ZNF737: variants seen among roughly 807,000 people sequenced by gnomAD.
ZNF737 encodes the protein zinc finger protein 102 (Y3).
Under a neutral mutation model 11.7 loss-of-function variants are expected in ZNF737, and 13 were observed. That is an observed-to-expected ratio of 1.11 (90% CI 0.73 to 1.77). The LOEUF is 1.77. Ranked by LOEUF, ZNF737 falls within the 40% of genes most tolerant of loss-of-function variation. The probability of loss-of-function intolerance (pLI) is 0.00; values close to 1 mark genes in which losing one functional copy is unlikely to be tolerated. For missense variants in ZNF737, 636 were observed against 638.0 expected, an observed-to-expected ratio of 1.00 and a Z score of 0.03; for synonymous variants, 217 against 216.2, an observed-to-expected ratio of 1.00 and a Z score of -0.03.
In ZNF737 at chr19:20,542,798, ATC is replaced by A; in HGVS notation, c.*1792_*1793del. Reference sequence around the variant, plus strand: ...TCCAAATAATGTAAAAAAATCGAATATCTCTGATGCAGAAGCCACTGATCACA... The same window carrying A: ...TCCAAATAATGTAAAAAAATCGAATATCTGATGCAGAAGCCACTGATCACA... On this transcript the variant is annotated 3_prime_UTR_variant, in exon 4 of 4. Transcript: ENST00000427401. The A allele has an allele frequency of 5.1e-6, 5 of 985,358 alleles. No homozygotes were observed. The highest frequency in any genetic ancestry group is 6.0e-6 in the Non-Finnish European group (5 of 829,874). 61.0% of individuals were successfully genotyped at this position (985,358 alleles called of 1,614,324 possible).
At chr19:20,546,959 A>G (rs1555757186) in intron 3 of ZNF737, among the ~76,000 whole-genome samples, 2 of 152,232 alleles carry the variant, frequency 1.3e-5, no homozygotes, top group East Asian at 3.8e-4. Context: ...GAAACTAGGA[A>G]TTAAAAGCAA....
At position 20,557,794 on chromosome 19, in the gene ZNF737, A is replaced by G. The variant is rs565752513; in HGVS notation, c.4-3959T>C. ...ACCACGCCCAGCTAATTTTTGTATT[A>G]TTAGTAGAGACAGCATTTCACCATA... On this transcript the variant is annotated intron_variant, in intron 1 of 3. Coordinates refer to ENST00000427401, the MANE Select transcript of ZNF737 (RefSeq NM_001159293.2). 2.6e-5 allele frequency among the ~76,000 whole-genome samples: 4 copies of G among 151,786 alleles called. No individual in the cohort carries two copies. The South Asian group carries it at 6.3e-4, about 24-fold the overall frequency.
intron 3 of ZNF737, among the ~76,000 whole-genome samples, chr19:20,548,482 G>T (rs1351644056): frequency 6.6e-6 from 1 of 152,154 alleles, no homozygotes; most frequent in Non-Finnish European, 1.5e-5. Flanking sequence ...TGGAAGGTTT[G>T]TCTGTCAAAG....
chr19:20,531,234 G>A (rs782786304), downstream of ZNF737, among the ~76,000 whole-genome samples: 88 of 132,078 alleles, frequency 6.7e-4, 4 homozygotes, highest in Middle Eastern at 4.1e-3. Context: ...GGAGGAGAGA[G>A]GGGAGAGGGG....
the ZNF737 span, among the ~76,000 whole-genome samples, chr19:20,530,567 A>G: frequency 6.8e-6 from 1 of 146,964 alleles, no homozygotes; most frequent in East Asian, 2.1e-4. Flanking sequence ...GGCCGGGCAG[A>G]GACGCTCCTC....
chr19:20,560,443 C>T (rs1368460596), intron 1 of ZNF737, among the ~76,000 whole-genome samples: 5 of 151,662 alleles, frequency 3.3e-5, no homozygotes, highest in African/African-American at 4.8e-5. Context: ...AAATCATGTC[C>T]TTTGCAATAA....
intron 1 of ZNF737, among the ~76,000 whole-genome samples, chr19:20,555,069 G>A (rs1194431141): frequency 6.6e-6 from 1 of 151,950 alleles, no homozygotes; most frequent in Non-Finnish European, 1.5e-5. Flanking sequence ...CACCACGTTG[G>A]CCAGGCTGGT....
At chr19:20,534,039 G>A (rs1478424757), downstream of ZNF737, among the ~76,000 whole-genome samples, 1 of 150,178 alleles carries the variant, frequency 6.7e-6, no homozygotes, top group South Asian at 2.2e-4. Flanking sequence ...CTAATCAGCC[G>A]GGCTGAGCTA....
Position 20,544,657 on chromosome 19 carries a change from T to C in ZNF737, c.1546A>G (p.Lys516Glu), listed in dbSNP as rs10411329. ...EKPYKCEECG[K>E]GFKCPSTLTT... The stretch of plus-strand genomic sequence containing the variant: ...AGGGTAGAGGGGCACTTAAAGCCTT[T>C]GCCACATTCTTCACATTTGTAGGGT... Residue 516 changes from lysine (K) to glutamate (E), a missense_variant, in exon 4 of 4, where the codon AAA becomes GAA. Lys to Glu is a moderately conservative substitution (Grantham distance 56). Coordinates refer to ENST00000427401, the MANE Select transcript of ZNF737 (RefSeq NM_001159293.2). 0.41 allele frequency: 655,025 copies of C among 1,608,672 alleles called. 134,303 individuals are homozygous for C. Among genetic ancestry groups the C allele is most frequent in the Admixed American group, 0.53 (31,343 of 58,982 alleles).
At chr19:20,536,425 C>T (rs1967968350), downstream of ZNF737, among the ~76,000 whole-genome samples, 1 of 152,132 alleles carries the variant, frequency 6.6e-6, no homozygotes, top group African/African-American at 2.4e-5. Context: ...ATTTATATCA[C>T]CTGCCTCTGC....
rs1555755780 is a variant in ZNF737, at chr19:20,544,186, G to A, written c.*406C>T. 9.9e-7 allele frequency: 1 copy of A among 1,009,818 alleles called. No individual in the cohort carries two copies. The highest frequency in any genetic ancestry group is 1.7e-5 in the African/African-American group (1 of 57,564). 62.6% of individuals were successfully genotyped at this position (1,009,818 alleles called of 1,614,324 possible). A position where few individuals can be genotyped will look rare whatever the true frequency, so the allele number is the denominator to read the frequency against. On this transcript the variant is annotated 3_prime_UTR_variant, in exon 4 of 4. Coordinates refer to ENST00000427401, the MANE Select transcript of ZNF737 (RefSeq NM_001159293.2). ...TTTGCCACATTCCTCAAACTTGTAG[G>A]ATTTTTGTCCAGCATGAATTATGTG...
intron 1 of ZNF737, among the ~76,000 whole-genome samples, chr19:20,563,283 C>T (rs1353652303): frequency 6.7e-6 from 1 of 148,630 alleles, no homozygotes; most frequent in Non-Finnish European, 1.5e-5. Context: ...CAGGCTGGGA[C>T]ATGTGCAGGG....
intron 1 of ZNF737, among the ~76,000 whole-genome samples, chr19:20,559,086 A>G (rs1555761821): frequency 6.6e-6 from 1 of 152,226 alleles, no homozygotes; most frequent in Non-Finnish European, 1.5e-5. Flanking sequence ...ACTGCATGAA[A>G]ACCTAGGAAA....
In ZNF737 at chr19:20,542,636, A is replaced by G. The variant is rs966343322; in HGVS notation, c.*1956T>C. The G allele has an allele frequency of 1.4e-5, 14 of 976,566 alleles. No individual in the cohort carries two copies. The African/African-American group carries it at 2.3e-4, about 16-fold the overall frequency. 60.5% of individuals were successfully genotyped at this position (976,566 alleles called of 1,614,324 possible). A position where few individuals can be genotyped will look rare whatever the true frequency, so the allele number is the denominator to read the frequency against. Reference sequence around the variant, plus strand: ...CTTTTAATTATTTCTTTGTGTCACTATAATAAAGTATTGCTCTGAACATTT... The same window carrying G: ...CTTTTAATTATTTCTTTGTGTCACTGTAATAAAGTATTGCTCTGAACATTT... On this transcript the variant is annotated 3_prime_UTR_variant, in exon 4 of 4. Transcript: ENST00000427401.
At chr19:20,552,757 T>C (rs1003889928) in intron 2 of ZNF737, among the ~76,000 whole-genome samples, 187 bp from the exon 3 acceptor site, 3 of 152,138 alleles carry the variant, frequency 2.0e-5, no homozygotes, top group Admixed American at 1.3e-4. Context: ...CTCACGCCTG[T>C]AATCCCAGCA....
At chr19:20,551,429 CA>C (rs59406979) in intron 3 of ZNF737, among the ~76,000 whole-genome samples, 4,696 of 102,162 alleles carry the variant, frequency 0.046, 217 homozygotes, top group African/African-American at 0.16. Flanking sequence ...AACCCCATCT[CA>C]AAAAAAAAAA....
At chr19:20,554,232 G>GT (rs1159767451) in intron 1 of ZNF737, among the ~76,000 whole-genome samples, 33 of 152,170 alleles carry the variant, frequency 2.2e-4, no homozygotes, top group Admixed American at 1.5e-3. Flanking sequence ...GTTATGCAGG[G>GT]TTTTTTTCCA....
intron 1 of ZNF737, among the ~76,000 whole-genome samples, chr19:20,563,615 T>C (rs79534158): frequency 0.021 from 3,149 of 151,740 alleles, 108 homozygotes; most frequent in African/African-American, 0.073. Context: ...CCTCCCATGT[T>C]GTTGGGAATA....
Position 20,542,647 on chromosome 19 carries a change from T to C in ZNF737, c.*1945A>G, listed in dbSNP as rs1251022157. ...TTCTTTGTGTCACTATAATAAAGTA[T>C]TGCTCTGAACATTTACGTTATACAT... On this transcript the variant is annotated 3_prime_UTR_variant, in exon 4 of 4. Transcript: ENST00000427401. 2.0e-6 allele frequency: 2 copies of C among 979,762 alleles called. No individual in the cohort carries two copies. The highest frequency in any genetic ancestry group is 1.8e-5 in the African/African-American group (1 of 57,120). 60.7% of individuals were successfully genotyped at this position (979,762 alleles called of 1,614,324 possible). A position where few individuals can be genotyped will look rare whatever the true frequency, so the allele number is the denominator to read the frequency against.
Sources: allele counts gnomAD v4.1 joint callset (sites outside exome capture counted in the v4.1 genomes callset), GRCh38; gene constraint gnomAD v4.1.1; transcripts MANE v1.5; gene names NCBI Gene and HGNC (gene_info 2026-07-23, HGNC 2026-07-21).